DOCK7: variants seen among roughly 807,000 people sequenced by gnomAD.
DOCK7 encodes the protein dedicator of cytokinesis protein 7.
Under a neutral mutation model 271.0 loss-of-function variants are expected in DOCK7, and 138 were observed. That is an observed-to-expected ratio of 0.51 (90% CI 0.44 to 0.59). DOCK7 has a LOEUF of 0.59. DOCK7 is among the 20% of genes least tolerant of loss of function. The pLI is 0.00. For missense variants in DOCK7, 2,066 were observed against 2,592.4 expected, an observed-to-expected ratio of 0.80 and a Z score of 4.41; for synonymous variants, 823 against 876.1, an observed-to-expected ratio of 0.94 and a Z score of 1.07.
intron 41 of DOCK7, among the ~76,000 whole-genome samples, chr1:62,490,792 C>T (rs1646443038): frequency 6.6e-6 from 1 of 152,020 alleles, no homozygotes; most frequent in African/African-American, 2.4e-5. Context: ...AAATATTCCT[C>T]CAAAAACAAA....
intron 43 of DOCK7, chr1:62,485,779 A>G (rs1247572380): frequency 1.2e-6 from 1 of 866,284 alleles, no homozygotes; most frequent in Admixed American, 6.2e-5. Flanking sequence ...ATGGTAGAAA[A>G]CACATTTTTT....
At position 62,513,613 on chromosome 1, in the gene DOCK7, T is replaced by C. The variant is rs563656103; in HGVS notation, c.4120-7A>G. 1.7e-5 allele frequency: 28 copies of C among 1,610,592 alleles called. No homozygotes were observed. In the East Asian group the frequency reaches 5.6e-4, roughly 32 times the overall value. Reference sequence around the variant, plus strand: ...GTTCAAACACTTTTTTCCCCTAAAATGTAAACATTAGAAGAGAAGAGGTAT... The same window carrying C: ...GTTCAAACACTTTTTTCCCCTAAAACGTAAACATTAGAAGAGAAGAGGTAT... On this transcript the variant is annotated splice_polypyrimidine_tract_variant and splice_region_variant and intron_variant, in intron 32 of 49. Coordinates refer to ENST00000635253, the MANE Select transcript of DOCK7 (RefSeq NM_001367561.1).
chr1:62,467,698 C>T (rs1320868549), intron 48 of DOCK7, among the ~76,000 whole-genome samples: 1 of 152,144 alleles, frequency 6.6e-6, no homozygotes. Flanking sequence ...TGGTACCAAT[C>T]CTATTGACAT....
chr1:62,459,734 A>G (rs964394497), intron 48 of DOCK7, among the ~76,000 whole-genome samples: 3 of 152,234 alleles, frequency 2.0e-5, no homozygotes, highest in South Asian at 4.2e-4. Context: ...TCTACAAAGA[A>G]AACACTAACT....
intron 22 of DOCK7, among the ~76,000 whole-genome samples, chr1:62,546,664 T>C (rs990989055): frequency 2.0e-5 from 3 of 152,132 alleles, no homozygotes. Context: ...AAATTTCCCA[T>C]ACATATTTTT....
chr1:62,528,635 A>G (rs1353100515), intron 30 of DOCK7, among the ~76,000 whole-genome samples: 1 of 152,214 alleles, frequency 6.6e-6, no homozygotes, highest in East Asian at 1.9e-4. Flanking sequence ...TTATCTTTGC[A>G]ACACCAGCAC....
chr1:62,678,261 T>C (rs1310472891), intron 1 of DOCK7, among the ~76,000 whole-genome samples: 1 of 152,050 alleles, frequency 6.6e-6, no homozygotes, highest in Non-Finnish European at 1.5e-5. Flanking sequence ...AGATAAAAAA[T>C]AGTAAGTCAG....
intron 14 of DOCK7, among the ~76,000 whole-genome samples, chr1:62,593,494 C>T (rs889412539): frequency 6.6e-6 from 1 of 152,002 alleles, no homozygotes; most frequent in Non-Finnish European, 1.5e-5. Flanking sequence ...CGCTTGAACC[C>T]AGGAGGGGGA....
intron 29 of DOCK7, among the ~76,000 whole-genome samples, chr1:62,531,618 T>C (rs1645177012): frequency 6.6e-6 from 1 of 152,254 alleles, no homozygotes; most frequent in African/African-American, 2.4e-5. Flanking sequence ...TGAAAGTTTC[T>C]AAAGAGCAAA....
intron 14 of DOCK7, among the ~76,000 whole-genome samples, chr1:62,614,734 C>T (rs189198184): frequency 6.6e-6 from 1 of 151,784 alleles, no homozygotes; most frequent in Non-Finnish European, 1.5e-5. Flanking sequence ...TTTTATTATA[C>T]CCATGTTAAA....
At position 62,477,704 on chromosome 1, in the gene DOCK7, A is replaced by T; in HGVS notation, c.5630T>A (p.Leu1877Ter). ...ATGAACCACCACAGCATTCACCTCCAATCTGTGAGATATCTCTGCAAGTTT... is the reference window on the plus strand; with the variant it reads ...ATGAACCACCACAGCATTCACCTCCTATCTGTGAGATATCTCTGCAAGTTT... Reference protein sequence around the residue: ...ITKLAEISHRLEGFYGERFGE... With the variant: ...ITKLAEISHR Residue 1877 changes from leucine to a stop codon, truncating the protein, a stop_gained, in exon 44 of 50, where the codon TTG becomes TAG. Coordinates refer to ENST00000635253, the MANE Select transcript of DOCK7 (RefSeq NM_001367561.1). LOFTEE classifies it high-confidence loss of function. 1 of 1,602,126 alleles carries T rather than the reference A, an allele frequency of 6.2e-7. No homozygotes were observed. Among genetic ancestry groups the T allele is most frequent in the Non-Finnish European group, 8.5e-7 (1 of 1,176,368 alleles).
intron 4 of DOCK7, among the ~76,000 whole-genome samples, chr1:62,652,201 G>C (rs963895572): frequency 6.6e-6 from 1 of 152,114 alleles, no homozygotes; most frequent in African/African-American, 2.4e-5. Context: ...TGCATTCACT[G>C]GTTCTGAGCT....
rs929847131 is a variant in DOCK7, at chr1:62,688,284, ACGGCGGCGGCGGCTGCGG to A, written c.-38_-21del. 4 of 1,253,854 alleles carry A rather than the reference ACGGCGGCGGCGGCTGCGG, an allele frequency of 3.2e-6. 1 individual carries two copies. The highest frequency in any genetic ancestry group is 4.0e-6 in the Non-Finnish European group (4 of 989,928). The allele number at this position is 1,253,854 out of a possible 1,614,324, so 77.7% of individuals were successfully genotyped here. A position where few individuals can be genotyped will look rare whatever the true frequency, so the allele number is the denominator to read the frequency against. ...GGCCATGGCTGCTGCGGCGACGGCGACGGCGGCGGCGGCTGCGGCGGGCCGGGTGCGGACCGGCGGGCG... is the reference window on the plus strand; with the variant it reads ...GGCCATGGCTGCTGCGGCGACGGCGACGGGCCGGGTGCGGACCGGCGGGCG... On this transcript the variant is annotated 5_prime_UTR_variant, in exon 1 of 50. Transcript: ENST00000635253.
intron 48 of DOCK7, chr1:62,458,535 G>T (rs5774603): frequency 0.049 from 4,430 of 89,730 alleles, 305 homozygotes; most frequent in South Asian, 0.1. Context: ...AATAGGTTTT[G>T]TTTTTTTTTT....
At chr1:62,557,592 C>T (rs890610338) in intron 20 of DOCK7, among the ~76,000 whole-genome samples, 2 of 143,868 alleles carry the variant, frequency 1.4e-5, no homozygotes, top group Non-Finnish European at 3.0e-5. Flanking sequence ...TGTAATTTCA[C>T]GAGTAGACAT....
intron 4 of DOCK7, 52 bp from the exon 5 acceptor site, chr1:62,648,596 T>C (rs1557857381): frequency 3.7e-6 from 4 of 1,087,136 alleles, no homozygotes; most frequent in Non-Finnish European, 4.9e-6. Flanking sequence ...TTAGGAATTT[T>C]TTCACTTTTT....
intron 29 of DOCK7, among the ~76,000 whole-genome samples, chr1:62,531,138 CTCA>C (rs1436184185): frequency 6.6e-6 from 1 of 152,144 alleles, no homozygotes; most frequent in Non-Finnish European, 1.5e-5. Flanking sequence ...CCCCAGATTC[CTCA>C]TCATTATTCT....
At chr1:62,525,714 T>C (rs966887051) in intron 31 of DOCK7, among the ~76,000 whole-genome samples, 4 of 152,188 alleles carry the variant, frequency 2.6e-5, no homozygotes, top group African/African-American at 7.2e-5. Context: ...ATTTTGTACA[T>C]GCACTTTATT....
intron 27 of DOCK7, 111 bp from the exon 28 acceptor site, chr1:62,538,172 G>T: frequency 8.4e-7 from 1 of 1,193,478 alleles, no homozygotes; most frequent in Non-Finnish European, 1.1e-6. Flanking sequence ...TATCCAGTTT[G>T]GGTTTTGTGG....
Sources: allele counts gnomAD v4.1 joint callset (sites outside exome capture counted in the v4.1 genomes callset), GRCh38; gene constraint gnomAD v4.1.1; transcripts MANE v1.5; gene names NCBI Gene and HGNC (gene_info 2026-07-23, HGNC 2026-07-21).